The following DIAPH2 variants were observed in gnomAD, a reference collection of about 807,000 sequenced individuals.
DIAPH2 encodes the protein diaphanous related formin 2.
A neutral mutation model predicts 92.7 loss-of-function variants in DIAPH2; 35 were observed. The observed-to-expected ratio is 0.38, with a 90% confidence interval of 0.29 to 0.50. DIAPH2 has a LOEUF of 0.50. Among genes scored for constraint, DIAPH2 ranks in the 20% least tolerant of loss-of-function variants. The pLI is 0.94. For missense variants in DIAPH2, 701 were observed against 819.5 expected, an observed-to-expected ratio of 0.86 and a Z score of 1.77; for synonymous variants, 301 against 280.4, an observed-to-expected ratio of 1.07 and a Z score of -0.73.
intron 26 of DIAPH2, among the ~76,000 whole-genome samples, chrX:97,516,101 A>T (rs2070945580): frequency 9.1e-6 from 1 of 110,136 alleles, no homozygotes; most frequent in Admixed American, 9.7e-5. Flanking sequence ...AAAATACAAA[A>T]ATTAGCTGGG....
chrX:97,108,115 CTT>C (rs765600288), intron 20 of DIAPH2, among the ~76,000 whole-genome samples: 2 of 110,775 alleles, frequency 1.8e-5, no homozygotes, highest in African/African-American at 6.6e-5. Context: ...GTGTCTAACT[CTT>C]TGGGGAAATA....
intron 5 of DIAPH2, among the ~76,000 whole-genome samples, chrX:96,886,780 C>T (rs180908267): frequency 9.0e-6 from 1 of 111,110 alleles, no homozygotes; most frequent in African/African-American, 3.3e-5. Context: ...TCTTTTGTGA[C>T]ATTAAAATCT....
rs756306068 is a variant in DIAPH2 at position 96,747,066 on chromosome X, A to G, written c.342+8304A>G. Among the ~76,000 whole-genome samples, 61 of 112,047 alleles carry G rather than the reference A, an allele frequency of 5.4e-4. 1 individual carries two copies. The highest frequency in any genetic ancestry group is 5.3e-3 in the Admixed American group (56 of 10,525). On this transcript the variant is annotated intron_variant, in intron 3 of 26. Coordinates refer to ENST00000324765, the MANE Select transcript of DIAPH2 (RefSeq NM_006729.5). The stretch of plus-strand genomic sequence containing the variant: ...TGAGAATAACTGATCTGGTTTTTGT[A>G]CATTGAGTATACTGCTTAGGGACTG...
chrX:97,014,946 A>G (rs1013231189), intron 17 of DIAPH2, among the ~76,000 whole-genome samples: 1 of 112,168 alleles, frequency 8.9e-6, no homozygotes, highest in Non-Finnish European at 1.9e-5. Context: ...ATGTATCAGT[A>G]TATAGAGTTA....
At chrX:97,302,018 T>G (rs1243308011) in intron 23 of DIAPH2, among the ~76,000 whole-genome samples, 1 of 104,325 alleles carries the variant, frequency 9.6e-6, no homozygotes, top group East Asian at 3.0e-4. Context: ...ATCGAGAACA[T>G]CCTGGTCAAC....
intron 1 of DIAPH2, among the ~76,000 whole-genome samples, chrX:96,734,953 A>G (rs1200364552): frequency 9.0e-6 from 1 of 111,092 alleles, no homozygotes; most frequent in Non-Finnish European, 1.9e-5. Context: ...TCAATTTCTA[A>G]CAGACAATTA....
intron 4 of DIAPH2, among the ~76,000 whole-genome samples, chrX:96,810,353 T>G (rs961096231): frequency 8.9e-6 from 1 of 112,201 alleles, no homozygotes; most frequent in Non-Finnish European, 1.9e-5. Flanking sequence ...TCACCCACTT[T>G]TTGATGGGGT....
chrX:97,332,357 C>G (rs1226204065), intron 23 of DIAPH2, among the ~76,000 whole-genome samples: 1 of 111,590 alleles, frequency 9.0e-6, no homozygotes, highest in Admixed American at 9.6e-5. Flanking sequence ...GTTCATAGAT[C>G]TTTTGAATGC....
chrX:97,173,093 A>T, intron 22 of DIAPH2, among the ~76,000 whole-genome samples: 1 of 112,731 alleles, frequency 8.9e-6, no homozygotes, highest in Admixed American at 9.4e-5. Flanking sequence ...ATTCTACTAC[A>T]GTGCTAAAAC....
chrX:96,927,282 A>ATTTTTTT (rs5903060), intron 9 of DIAPH2, among the ~76,000 whole-genome samples: 23 of 82,124 alleles, frequency 2.8e-4, no homozygotes, highest in African/African-American at 9.3e-4. Flanking sequence ...CTGGAGTTGA[A>ATTTTTTT]TTTTTTTTTT....
chrX:97,134,334 T>C (rs2067157240), intron 21 of DIAPH2, among the ~76,000 whole-genome samples: 1 of 111,825 alleles, frequency 8.9e-6, no homozygotes, highest in Non-Finnish European at 1.9e-5. Context: ...TCTCTCTTAT[T>C]TTAAATTGAC....
At chrX:97,246,427 C>G (rs1223879374) in intron 22 of DIAPH2, among the ~76,000 whole-genome samples, 2 of 112,001 alleles carry the variant, frequency 1.8e-5, no homozygotes, top group African/African-American at 3.2e-5. Context: ...GAATAATTTC[C>G]AAGCTTGTCA....
At chrX:96,688,085 C>T (rs2147511515) in intron 1 of DIAPH2, among the ~76,000 whole-genome samples, 1 of 111,612 alleles carries the variant, frequency 9.0e-6, no homozygotes, top group South Asian at 3.7e-4. Context: ...ATCTTGAATC[C>T]TACTTATTTA....
intron 4 of DIAPH2, among the ~76,000 whole-genome samples, chrX:96,762,699 A>G (rs1194790074): frequency 9.0e-6 from 1 of 110,753 alleles, no homozygotes; most frequent in Non-Finnish European, 1.9e-5. Flanking sequence ...AGAAAAGGCA[A>G]TATTGGAAAA....
intron 26 of DIAPH2, among the ~76,000 whole-genome samples, chrX:97,489,117 G>T (rs1157592634): frequency 9.0e-6 from 1 of 111,550 alleles, no homozygotes; most frequent in Non-Finnish European, 1.9e-5. Flanking sequence ...TTTCATCAAC[G>T]TTATGTAGTT....
intron 22 of DIAPH2, among the ~76,000 whole-genome samples, chrX:97,195,092 T>A (rs776523518): frequency 8.9e-6 from 1 of 112,338 alleles, no homozygotes; most frequent in African/African-American, 3.2e-5. Flanking sequence ...CATGAAAGTT[T>A]AGGAGAAAAC....
chrX:97,545,186 G>A (rs922113434), intron 26 of DIAPH2, among the ~76,000 whole-genome samples: 5 of 111,076 alleles, frequency 4.5e-5, no homozygotes, highest in East Asian at 2.8e-4. Context: ...TTCAAGGCTC[G>A]TTTCAAACAC....
At chrX:97,536,870 A>T (rs1387720146) in intron 26 of DIAPH2, among the ~76,000 whole-genome samples, 1 of 112,078 alleles carries the variant, frequency 8.9e-6, no homozygotes, top group Non-Finnish European at 1.9e-5. Flanking sequence ...TTTACTGCTG[A>T]ATTATAAGCA....
chrX:96,896,766 C>A (rs1224610609), intron 5 of DIAPH2, among the ~76,000 whole-genome samples: 1 of 111,799 alleles, frequency 8.9e-6, no homozygotes, highest in East Asian at 2.8e-4. Flanking sequence ...AGCTATATTT[C>A]TAGAGTTTTC....
Sources: allele counts gnomAD v4.1 joint callset (sites outside exome capture counted in the v4.1 genomes callset), GRCh38; gene constraint gnomAD v4.1.1; transcripts MANE v1.5; gene names NCBI Gene and HGNC (gene_info 2026-07-23, HGNC 2026-07-21).